PCDHA5: variants seen among roughly 807,000 people sequenced by gnomAD.
PCDHA5 encodes the protein protocadherin alpha 5.
In PCDHA5, 43 loss-of-function variants were observed where a neutral mutation model predicts 61.6. The observed-to-expected ratio is 0.70, with a 90% CI of 0.55 to 0.90. PCDHA5 has a LOEUF of 0.90. PCDHA5 is among the 40% of genes least tolerant of loss of function. PCDHA5 has a pLI of 0.00. For synonymous variants in PCDHA5, 627 were observed against 543.9 expected (o/e 1.15, Z -2.13); for missense variants, 1,298 against 1,222.7 (o/e 1.06, Z -0.92).
chr5:140,884,459 G>T (rs530412188), intron 1 of PCDHA5: 2 of 1,613,754 alleles, frequency 1.2e-6, no homozygotes, highest in South Asian at 2.2e-5. Flanking sequence ...CACCGAGGGC[G>T]CGTGCGCGCC....
chr5:140,860,424 C>T (rs1554153356), intron 1 of PCDHA5: 1 of 152,034 alleles, frequency 6.6e-6, no homozygotes, highest in Non-Finnish European at 1.5e-5. Flanking sequence ...CATTATCCTG[C>T]AAATATGATC....
intron 1 of PCDHA5, among the ~76,000 whole-genome samples, chr5:140,942,620 A>C (rs1304224304): frequency 3.5e-5 from 1 of 28,710 alleles, no homozygotes; most frequent in African/African-American, 2.6e-4. Context: ...TGCCAATTGT[A>C]AAAAAAAAAA....
chr5:140,863,542 C>T, intron 1 of PCDHA5: 3 of 384,090 alleles, frequency 7.8e-6, no homozygotes, highest in South Asian at 6.2e-5. Context: ...TGGAGATGGA[C>T]TTCAATAGGA....
intron 1 of PCDHA5, among the ~76,000 whole-genome samples, chr5:140,940,470 A>G (rs182796886): frequency 4.7e-5 from 7 of 149,652 alleles, no homozygotes; most frequent in African/African-American, 9.8e-5. Flanking sequence ...GTTCCCTGCA[A>G]TTTTTTTTTT....
chr5:140,835,638 T>C, intron 1 of PCDHA5: 1 of 1,613,926 alleles, frequency 6.2e-7, no homozygotes, highest in Non-Finnish European at 8.5e-7. Context: ...CGAGAGTGTG[T>C]CCGCCTATGA....
chr5:140,834,483 T>C (rs1387248014), intron 1 of PCDHA5: 12 of 1,614,016 alleles, frequency 7.4e-6, no homozygotes, highest in Admixed American at 1.7e-5. Context: ...GCTCCACTAC[T>C]CGGTCCCCGA....
At chr5:140,988,157 G>A (rs1344911037) in intron 3 of PCDHA5, among the ~76,000 whole-genome samples, 5 of 152,014 alleles carry the variant, frequency 3.3e-5, no homozygotes, top group African/African-American at 7.3e-5. Context: ...AACTTCTGCC[G>A]TTGTCATAGC....
intron 1 of PCDHA5, among the ~76,000 whole-genome samples, chr5:140,873,597 T>C (rs2054375206): frequency 6.6e-6 from 1 of 152,354 alleles, no homozygotes; most frequent in Middle Eastern, 3.4e-3. Context: ...TAAACTTAGA[T>C]GTTCCTATTG....
intron 1 of PCDHA5, 129 bp downstream of exon 1, chr5:140,824,256 C>T (rs1554129826): frequency 7.4e-7 from 1 of 1,360,360 alleles, no homozygotes; most frequent in Non-Finnish European, 1.0e-6. Context: ...ACAATTATTG[C>T]ACTAATTCAT....
intron 1 of PCDHA5, chr5:140,929,398 A>G: frequency 6.6e-7 from 1 of 1,510,096 alleles, no homozygotes; most frequent in Non-Finnish European, 8.9e-7. Flanking sequence ...AATATTTCTT[A>G]GACAAGCCTT....
chr5:140,864,688 C>G (rs1324668554), intron 1 of PCDHA5: 2 of 152,164 alleles, frequency 1.3e-5, no homozygotes, highest in Admixed American at 1.3e-4. Context: ...CTGCTGTCCT[C>G]CAGTTTAAGT....
intron 1 of PCDHA5, among the ~76,000 whole-genome samples, chr5:140,962,298 A>T (rs2095671297): frequency 6.6e-6 from 1 of 152,204 alleles, no homozygotes; most frequent in South Asian, 2.1e-4. Context: ...ATATTCTATG[A>T]TTCTTGTTAG....
chr5:140,830,166 C>A, intron 1 of PCDHA5: 1 of 1,613,518 alleles, frequency 6.2e-7, no homozygotes, highest in Non-Finnish European at 8.5e-7. Context: ...CCAGAGGCGG[C>A]GCTGGTGGAT....
At chr5:140,960,511 C>T (rs2153725482) in intron 1 of PCDHA5, among the ~76,000 whole-genome samples, 1 of 152,156 alleles carries the variant, frequency 6.6e-6, no homozygotes, top group East Asian at 1.9e-4. Context: ...AAGCAGCAAA[C>T]ATAATGGGTA....
chr5:140,832,741 C>A (rs1477110560), intron 1 of PCDHA5, among the ~76,000 whole-genome samples: 1 of 152,038 alleles, frequency 6.6e-6, no homozygotes, highest in Non-Finnish European at 1.5e-5. Flanking sequence ...TACATAAATA[C>A]GATGATAGTA....
chr5:140,823,846 G>T lies in PCDHA5; in HGVS notation c.2071G>T (p.Ala691Ser), dbSNP rs1767898673. The T allele has an allele frequency of 5.0e-6, 8 of 1,613,762 alleles. No individual in the cohort carries two copies. The highest frequency in any genetic ancestry group is 1.3e-5 in the African/African-American group (1 of 74,946). Residue 691 changes from alanine (A) to serine (S), a missense_variant, in exon 1 of 4, where the codon GCC becomes TCC. By Grantham distance (99) the Ala-to-Ser change is moderately conservative (BLOSUM62 1). Coordinates refer to ENST00000529859, the MANE Select transcript of PCDHA5 (RefSeq NM_018908.3). ...GGCGGGCGCTGTGGGTCCCGAGGCT[G>T]CCCTGGTGGATGTCAACGTGTACCT... ...ASAGAVGPEA[A>S]LVDVNVYLII...
chr5:140,876,499 G>C, intron 1 of PCDHA5: 1 of 1,614,028 alleles, frequency 6.2e-7, no homozygotes, highest in South Asian at 1.1e-5. Flanking sequence ...AGTTCTGGAC[G>C]TGAATGACAA....
chr5:140,862,620 G>T, intron 1 of PCDHA5: 1 of 528,384 alleles, frequency 1.9e-6, no homozygotes, highest in South Asian at 1.4e-5. Context: ...GTAACAACCC[G>T]CGGGGCTGCC....
intron 1 of PCDHA5, among the ~76,000 whole-genome samples, chr5:140,951,313 T>C (rs1554219855): frequency 1.3e-5 from 2 of 152,194 alleles, no homozygotes; most frequent in Non-Finnish European, 2.9e-5. Flanking sequence ...TAATGTGTTA[T>C]TCTTGAGATT....
Sources: allele counts gnomAD v4.1 joint callset (sites outside exome capture counted in the v4.1 genomes callset), GRCh38; gene constraint gnomAD v4.1.1; transcripts MANE v1.5; gene names NCBI Gene and HGNC (gene_info 2026-07-23, HGNC 2026-07-21).